KMT2E: variants seen among roughly 807,000 people sequenced by gnomAD.
KMT2E encodes the protein lysine methyltransferase 2E (inactive), also known as histone reader KMT2E.
Under a neutral mutation model 184.6 loss-of-function variants are expected in KMT2E, and 30 were observed. The ratio of observed to expected loss-of-function variants is 0.16; its 90% confidence interval spans 0.12 to 0.22. The LOEUF is 0.22. KMT2E is among the 10% of genes least tolerant of loss of function. KMT2E has a pLI of 1.00. For synonymous variants in KMT2E, 815 were observed against 776.5 expected, an observed-to-expected ratio of 1.05 and a Z score of -0.82; for missense variants, 2,023 against 2,237.4, an observed-to-expected ratio of 0.90 and a Z score of 1.93.
At chr7:105,075,990 T>C in intron 8 of KMT2E, 53 bp from the exon 9 acceptor site, 1 of 1,368,916 alleles carries the variant, frequency 7.3e-7, no homozygotes, top group Non-Finnish European at 1.0e-6. Flanking sequence ...TTCTTAAATA[T>C]TAATTATGTC....
chr7:105,082,899 C>T (rs1042180531), intron 13 of KMT2E, among the ~76,000 whole-genome samples: 1 of 152,196 alleles, frequency 6.6e-6, no homozygotes, highest in African/African-American at 2.4e-5. Flanking sequence ...TTTGGCACTG[C>T]TTTTTCTACA....
chr7:105,102,433 AT>A (rs1798693881), intron 17 of KMT2E: 2 of 331,392 alleles, frequency 6.0e-6, no homozygotes, highest in East Asian at 1.3e-4. Context: ...GCAATTCATG[AT>A]TTCTTTAAAT....
At chr7:105,035,178 C>G (rs1477612835) in intron 1 of KMT2E, among the ~76,000 whole-genome samples, 2 of 151,802 alleles carry the variant, frequency 1.3e-5, no homozygotes, top group African/African-American at 2.4e-5. Context: ...GCGCCCACCA[C>G]CAAGCCTGGC....
intron 13 of KMT2E, among the ~76,000 whole-genome samples, chr7:105,085,791 C>T (rs1486156109): frequency 5.9e-5 from 9 of 151,580 alleles, no homozygotes; most frequent in Non-Finnish European, 1.5e-5. Context: ...TCATGCCATT[C>T]TCCCGCCTCG....
chr7:105,090,356 T>C, intron 14 of KMT2E, 83 bp downstream of exon 14: 2 of 1,425,764 alleles, frequency 1.4e-6, no homozygotes, highest in Non-Finnish European at 1.9e-6. Context: ...GTTCTATGTA[T>C]AATTGTTTAA....
intron 10 of KMT2E, 27 bp from the exon 11 acceptor site, chr7:105,077,273 ATTT>A (rs1562911183): frequency 6.2e-7 from 1 of 1,603,646 alleles, no homozygotes; most frequent in Non-Finnish European, 8.5e-7. Context: ...AAGCAAGTTT[ATTT>A]AATCTCAACA....
chr7:105,091,540 T>A, intron 15 of KMT2E: 1 of 576,036 alleles, frequency 1.7e-6, no homozygotes, highest in East Asian at 2.9e-5. Context: ...TTAAGAAATA[T>A]GAACATTTTG....
rs1159927996 is a variant in KMT2E at position 105,081,718 on chromosome 7, C to T, written c.1279C>T (p.His427Tyr). Residue 427 changes from histidine to tyrosine, a missense_variant, in exon 13 of 27, where the codon CAT (histidine) becomes TAT (tyrosine). Transcript: ENST00000311117. ...VRHEIQDGTI[H>Y]LYIYSIHSIP... The stretch of plus-strand genomic sequence containing the variant: ...GCATGAAATTCAAGATGGAACCATA[C>T]ATCTTTATATTTATTCTATACACAG... The T allele has an allele frequency of 4.6e-6, 7 of 1,510,768 alleles. No homozygotes were observed. The highest frequency in any genetic ancestry group is 2.7e-6 in the Non-Finnish European group (3 of 1,103,676). The allele number at this position is 1,510,768 out of a possible 1,614,324, so 93.6% of individuals were successfully genotyped here.
intron 23 of KMT2E, 31 bp downstream of exon 23, chr7:105,109,259 A>C: frequency 6.3e-7 from 1 of 1,595,972 alleles, no homozygotes; most frequent in Non-Finnish European, 8.6e-7. Flanking sequence ...GCTACTCTGG[A>C]AAAAACAAGC....
chr7:105,087,822 G>GC (rs1008552447), intron 13 of KMT2E, among the ~76,000 whole-genome samples: 40 of 128,594 alleles, frequency 3.1e-4, no homozygotes, highest in Admixed American at 1.5e-3. Context: ...CTGTTTTCTT[G>GC]CTTTTTTTTT....
Position 105,040,911 on chromosome 7 carries a change from C to T in KMT2E, c.-42C>T, listed in dbSNP as rs1183951551. On this transcript the variant is annotated 5_prime_UTR_variant, in exon 3 of 27. Coordinates refer to ENST00000311117, the MANE Select transcript of KMT2E (RefSeq NM_182931.3). ...TGCCCCAGTGTTTTGGATACCAATG[C>T]ATAGGACTCCATAGTAATCGAATTT... 2.0e-6 allele frequency: 3 copies of T among 1,481,876 alleles called. No homozygotes were observed. Among genetic ancestry groups the T allele is most frequent in the East Asian group, 4.5e-5 (2 of 44,252 alleles). The allele number at this position is 1,481,876 out of a possible 1,614,324, so 91.8% of individuals were successfully genotyped here.
chr7:105,078,822 C>G (rs1797638153), intron 11 of KMT2E, 24 bp from the exon 12 acceptor site: 2 of 1,347,024 alleles, frequency 1.5e-6, no homozygotes, highest in Non-Finnish European at 2.1e-6. Flanking sequence ...ATGTTAATAG[C>G]TTATAATGTT....
At chr7:105,015,353 C>T (rs1237565988) in intron 1 of KMT2E, among the ~76,000 whole-genome samples, 3 of 152,196 alleles carry the variant, frequency 2.0e-5, no homozygotes, top group African/African-American at 4.8e-5. Flanking sequence ...GTGCTCTCTT[C>T]TACTGGCCTT....
intron 1 of KMT2E, among the ~76,000 whole-genome samples, chr7:105,016,633 T>C (rs1584678416): frequency 6.6e-6 from 1 of 152,216 alleles, no homozygotes; most frequent in South Asian, 2.1e-4. Flanking sequence ...GTGGGAGTTC[T>C]TTTTGGGTTG....
At chr7:105,095,765 T>A (rs1798384597) in intron 15 of KMT2E, among the ~76,000 whole-genome samples, 1 of 152,186 alleles carries the variant, frequency 6.6e-6, no homozygotes, top group Admixed American at 6.5e-5. Flanking sequence ...TACAGTAGAC[T>A]GTTTATACTC....
At chr7:105,031,440 C>G (rs1189995149) in intron 1 of KMT2E, among the ~76,000 whole-genome samples, 1 of 150,698 alleles carries the variant, frequency 6.6e-6, no homozygotes, top group East Asian at 2.0e-4. Context: ...CAAAAACCTG[C>G]TCTTATTTGG....
chr7:105,052,841 A>G (rs1194642249), intron 3 of KMT2E, among the ~76,000 whole-genome samples: 1 of 152,056 alleles, frequency 6.6e-6, no homozygotes. Context: ...TGGCTTCCCA[A>G]AGTGCTGAGA....
chr7:105,105,197 T>C (rs1798846911), intron 17 of KMT2E: 1 of 345,868 alleles, frequency 2.9e-6, no homozygotes, highest in Non-Finnish European at 5.1e-6. Flanking sequence ...TCATGTAATA[T>C]AAATATTTAA....
chr7:105,018,071 A>G lies in KMT2E; in HGVS notation c.-189+3536A>G, dbSNP rs117889296. 2.0e-3 allele frequency among the ~76,000 whole-genome samples: 309 copies of G among 152,318 alleles called. 5 individuals carry two copies. The East Asian group carries it at 0.054, about 27-fold the overall frequency. ...CCTCAGTACATATCTTAGTGGTCTT[A>G]GGGAAATTATAATTTCTTAAATTGG... On this transcript the variant is annotated intron_variant, in intron 1 of 26. Coordinates refer to ENST00000311117, the MANE Select transcript of KMT2E (RefSeq NM_182931.3).
Sources: gnomAD v4.1 joint callset for allele counts (sites outside exome capture counted in the v4.1 genomes callset) on GRCh38, gnomAD v4.1.1 for gene constraint, MANE v1.5 for transcripts, NCBI Gene and HGNC (gene_info 2026-07-23, HGNC 2026-07-21) for gene names.